The following RAI1 variants were observed in gnomAD, a reference collection of about 807,000 sequenced individuals.
RAI1 encodes retinoic acid-induced protein 1.
Under a neutral mutation model 123.8 loss-of-function variants are expected in RAI1, and 9 were observed. The observed-to-expected ratio is 0.07, with a 90% CI of 0.04 to 0.13. The LOEUF is 0.13. RAI1 is among the 10% of genes least tolerant of loss of function. RAI1 has a pLI of 1.00. For missense variants in RAI1, 2,256 were observed against 2,545.8 expected (o/e 0.89, Z 2.45); for synonymous variants, 1,231 against 1,127.3 (o/e 1.09, Z -1.84).
chr17:17,724,555 G>A (rs1166741054), intron 2 of RAI1, among the ~76,000 whole-genome samples: 2 of 152,014 alleles, frequency 1.3e-5, no homozygotes, highest in Non-Finnish European at 2.9e-5. Context: ...CGGGGCTGGT[G>A]GCCACGGATG....
intron 2 of RAI1, among the ~76,000 whole-genome samples, chr17:17,781,783 T>A (rs533981863): frequency 6.6e-6 from 1 of 152,330 alleles, no homozygotes; most frequent in Admixed American, 6.5e-5. Context: ...TGTGTTTGTT[T>A]AGAGCGGCTT....
intron 2 of RAI1, among the ~76,000 whole-genome samples, chr17:17,752,686 C>T (rs1037646935): frequency 3.9e-5 from 6 of 152,204 alleles, no homozygotes; most frequent in African/African-American, 1.4e-4. Flanking sequence ...GGCCGACCAC[C>T]TTACTTGCCA....
Position 17,796,131 on chromosome 17 carries a change from G to T in RAI1, c.3183G>T (p.Thr1061=). The change falls in exon 3 of 6, where the codon ACG becomes ACT. Residue 1061 remains threonine, a synonymous_variant. Transcript: ENST00000353383. This position sits in a 1 kb window ranked among gnomAD's most constrained non-coding sequence, Gnocchi z 5.8. ...CCAGGATGTGTACTCGTTCTCTCACGGCCCTGAGTGAGCCCCGCACGCCCG... is the reference window on the plus strand; with the variant it reads ...CCAGGATGTGTACTCGTTCTCTCACTGCCCTGAGTGAGCCCCGCACGCCCG... ...GLPRMCTRSL[T]ALSEPRTPGP... The T allele has an allele frequency of 2.5e-6, 4 of 1,578,796 alleles. No individual in the cohort carries two copies. The highest frequency in any genetic ancestry group is 3.4e-6 in the Non-Finnish European group (4 of 1,161,054).
chr17:17,745,425 G>GTT, intron 2 of RAI1, among the ~76,000 whole-genome samples: 1 of 151,286 alleles, frequency 6.6e-6, no homozygotes, highest in African/African-American at 2.4e-5. Context: ...GTGTGTGTGT[G>GTT]TGTGTTTGTT....
At chr17:17,758,432 C>T (rs1002436714) in intron 2 of RAI1, among the ~76,000 whole-genome samples, 2 of 152,202 alleles carry the variant, frequency 1.3e-5, no homozygotes, top group Admixed American at 1.3e-4. Context: ...GAGGCAGCAC[C>T]TATGGACAGG....
intron 2 of RAI1, chr17:17,778,756 G>A: frequency 2.2e-6 from 1 of 456,732 alleles, no homozygotes; most frequent in Non-Finnish European, 4.4e-6. Context: ...CCGCCAAGAG[G>A]GATTCTCCTA....
At chr17:17,708,415 C>T (rs1260658445) in intron 1 of RAI1, among the ~76,000 whole-genome samples, 1 of 125,836 alleles carries the variant, frequency 7.9e-6, no homozygotes, top group Non-Finnish European at 1.8e-5. Context: ...TATATATACA[C>T]ACACACACAC....
chr17:17,809,520 T>TG lies in RAI1; in HGVS notation c.5709+84dup, dbSNP rs1242707434. 22 of 1,438,338 alleles carry TG rather than the reference T, an allele frequency of 1.5e-5. No individual in the cohort carries two copies. Among genetic ancestry groups the TG allele is most frequent in the Admixed American group, 1.7e-5 (1 of 59,650 alleles). The allele number at this position is 1,438,338 out of a possible 1,614,324, so 89.1% of individuals were successfully genotyped here. A position where few individuals can be genotyped will look rare whatever the true frequency, so the allele number is the denominator to read the frequency against. ...ACCTCGCACCTCCTTCACAGTCCCCTGGGCCCCCTTGGCTGCGCAGCCCCG... is the reference window on the plus strand; with the variant it reads ...ACCTCGCACCTCCTTCACAGTCCCCTGGGGCCCCCTTGGCTGCGCAGCCCCG... On this transcript the variant is annotated intron_variant, in intron 5 of 5. Coordinates refer to ENST00000353383, the MANE Select transcript of RAI1 (RefSeq NM_030665.4). The surrounding 1 kb of genome is among the most constrained non-coding windows in gnomAD (Gnocchi z 4.9).
intron 2 of RAI1, among the ~76,000 whole-genome samples, chr17:17,742,140 C>T (rs755330946): frequency 7.9e-5 from 12 of 152,182 alleles, no homozygotes; most frequent in Non-Finnish European, 1.3e-4. Context: ...TCTGTGGCCA[C>T]GGGTGATGAT....
At chr17:17,778,665 T>C (rs1346904943) in intron 2 of RAI1, 5 of 453,454 alleles carry the variant, frequency 1.1e-5, no homozygotes, top group South Asian at 3.1e-5. Flanking sequence ...TCACAGTTCA[T>C]TGGTCTGGCT....
chr17:17,782,843 C>T (rs1369918061), intron 2 of RAI1, among the ~76,000 whole-genome samples: 2 of 152,196 alleles, frequency 1.3e-5, no homozygotes, highest in African/African-American at 2.4e-5. Flanking sequence ...TTAGATTTTG[C>T]TCTCGGCCTC....
intron 2 of RAI1, among the ~76,000 whole-genome samples, chr17:17,732,431 C>T (rs1353578562): frequency 6.6e-6 from 1 of 152,180 alleles, no homozygotes; most frequent in Non-Finnish European, 1.5e-5. Flanking sequence ...AGGGGTCACA[C>T]TGTGGTGACT....
intron 2 of RAI1, among the ~76,000 whole-genome samples, chr17:17,732,175 G>T (rs1002368441): frequency 3.9e-5 from 6 of 152,190 alleles, no homozygotes; most frequent in African/African-American, 1.2e-4. Context: ...GCTTGGAAAG[G>T]TCTGGCAACT....
At position 17,809,882 on chromosome 17, in the gene RAI1, C is replaced by G. The variant is rs1286821822; in HGVS notation, c.5710-88C>G. The G allele has an allele frequency of 1.9e-6, 3 of 1,540,354 alleles. No homozygotes were observed. In the Admixed American group the frequency reaches 5.9e-5, roughly 30 times the overall value. On this transcript the variant is annotated intron_variant, in intron 5 of 5. Transcript: ENST00000353383. The surrounding 1 kb of genome is among the most constrained non-coding windows in gnomAD (Gnocchi z 4.9). ...GCTCTGGGGTCGCCTGGGTCTGGGGCTTAGGCGGGGGGCCCACACTGGGGG... is the reference window on the plus strand; with the variant it reads ...GCTCTGGGGTCGCCTGGGTCTGGGGGTTAGGCGGGGGGCCCACACTGGGGG...
chr17:17,763,262 C>A (rs2030782643), intron 2 of RAI1, among the ~76,000 whole-genome samples: 1 of 152,156 alleles, frequency 6.6e-6, no homozygotes, highest in Non-Finnish European at 1.5e-5. Flanking sequence ...CCAGAGGAAT[C>A]CTAGAGATCC....
Position 17,803,746 on chromosome 17 carries a change from T to A in RAI1, c.5566-10T>A. The A allele has an allele frequency of 1.2e-6, 2 of 1,612,210 alleles. No homozygotes were observed. The highest frequency in any genetic ancestry group is 1.7e-6 in the Non-Finnish European group (2 of 1,178,782). On this transcript the variant is annotated splice_polypyrimidine_tract_variant and intron_variant, in intron 3 of 5. Transcript: ENST00000353383. The stretch of plus-strand genomic sequence containing the variant: ...TGGAGACTCACCTGCCTTTCCTTTC[T>A]CTTCATCAGATGTGTTCCAGCTGCC...
intron 1 of RAI1, among the ~76,000 whole-genome samples, chr17:17,713,022 G>C (rs1196253598): frequency 1.3e-5 from 2 of 151,634 alleles, no homozygotes; most frequent in African/African-American, 4.9e-5. Flanking sequence ...ATGGGAACAG[G>C]TTTCTTTTTG....
chr17:17,779,164 T>C (rs1247987662), intron 2 of RAI1: 2 of 340,420 alleles, frequency 5.9e-6, no homozygotes, highest in African/African-American at 4.3e-5. Context: ...AAGGCAAATA[T>C]TTTCCGTGGT....
chr17:17,797,192 G>C lies in RAI1; in HGVS notation c.4244G>C (p.Ser1415Thr). 6.2e-7 allele frequency: 1 copy of C among 1,613,914 alleles called. No homozygotes were observed. Residue 1415 changes from serine to threonine, a missense_variant, in exon 3 of 6, where the codon AGT (serine) becomes ACT (threonine). This residue lies in a region of RAI1 where 410 missense variants were observed against 374.6 expected (regional missense o/e 1.09). Transcript: ENST00000353383. ...TCCTTAAAAGGCAAACTCATGAACA[G>C]TAAGAAACTGTCTTCTACTGACTGT... Reference protein sequence around the residue: ...NRSLKGKLMNSKKLSSTDCFK... With the variant: ...NRSLKGKLMNTKKLSSTDCFK...
Sources: allele counts gnomAD v4.1 joint callset (sites outside exome capture counted in the v4.1 genomes callset), GRCh38; gene constraint gnomAD v4.1.1; regional missense constraint gnomAD v4.1.1; non-coding constraint Gnocchi (gnomAD v3.1); transcripts MANE v1.5; gene names NCBI Gene and HGNC (gene_info 2026-07-23, HGNC 2026-07-21).